The following RGPD1 variants were observed in gnomAD, a reference collection of about 807,000 sequenced individuals.
RGPD1 encodes RANBP2 like and GRIP domain containing 1.
RGPD1 carries 7 observed loss-of-function variants against 40.6 expected under a neutral mutation model. The observed-to-expected ratio is 0.17, with a 90% confidence interval of 0.10 to 0.32. The LOEUF is 0.32. Ranked by LOEUF, RGPD1 falls within the 10% of genes least tolerant of loss-of-function variation. The pLI is 1.00. For synonymous variants in RGPD1, 24 were observed against 167.0 expected (o/e 0.14, Z 6.60); for missense variants, 50 against 472.5 (o/e 0.11, Z 8.29).
intron 1 of RGPD1, among the ~76,000 whole-genome samples, chr2:86,931,929 TTA>T (rs113403396): frequency 6.7e-6 from 1 of 148,340 alleles, no homozygotes; most frequent in African/African-American, 2.4e-5. Context: ...AATATATTCA[TTA>T]TATATATATT....
intron 1 of RGPD1, among the ~76,000 whole-genome samples, chr2:86,931,883 C>A (rs1373158445): frequency 1.3e-5 from 2 of 148,264 alleles, no homozygotes; most frequent in African/African-American, 4.9e-5. Context: ...TCCATAACTT[C>A]ATTTGGTAGT....
At chr2:86,918,152 G>A (rs1263275780) in intron 1 of RGPD1, among the ~76,000 whole-genome samples, 1 of 150,796 alleles carries the variant, frequency 6.6e-6, no homozygotes, top group African/African-American at 2.4e-5. Flanking sequence ...GAGATTTAAA[G>A]TACTTTAGCC....
At chr2:86,942,939 G>A (rs959449044) in intron 1 of RGPD1, among the ~76,000 whole-genome samples, 5 of 151,974 alleles carry the variant, frequency 3.3e-5, no homozygotes, top group African/African-American at 9.7e-5. Flanking sequence ...GCCCTGGCCC[G>A]GGCTTTCTGG....
Position 86,913,944 on chromosome 2 carries a change from G to C in RGPD1, c.72+23G>C, listed in dbSNP as rs755540958. 6.4e-4 allele frequency: 876 copies of C among 1,370,544 alleles called. 37 individuals are homozygous for C. Among genetic ancestry groups the C allele is most frequent in the Non-Finnish European group, 7.9e-4 (815 of 1,025,700 alleles). 84.9% of individuals were successfully genotyped at this position (1,370,544 alleles called of 1,614,324 possible). On this transcript the variant is annotated intron_variant, in intron 1 of 22. Transcript: ENST00000398193. ...AAGGTGAGTGGATCTCGAAGAGACC[G>C]ACGGCCTCGACCTGGCGGGGCGGTG...
chr2:86,939,533 T>C (rs1346621566), upstream of RGPD1, among the ~76,000 whole-genome samples: 1 of 141,466 alleles, frequency 7.1e-6, no homozygotes, highest in African/African-American at 2.7e-5. Flanking sequence ...GAGCCGAGAT[T>C]GCGCCACTGG....
chr2:86,997,003 G>T (rs1467416056), intron 21 of RGPD1, among the ~76,000 whole-genome samples: 1 of 136,446 alleles, frequency 7.3e-6, no homozygotes, highest in Admixed American at 7.4e-5. Context: ...CGTTCCATCA[G>T]TTCCCCAGCT....
upstream of RGPD1, among the ~76,000 whole-genome samples, chr2:86,938,576 T>G (rs1419919693): frequency 6.6e-6 from 1 of 151,336 alleles, no homozygotes; most frequent in African/African-American, 2.4e-5. Context: ...GCTGACATAT[T>G]CAGACAAAGC....
intron 22 of RGPD1, among the ~76,000 whole-genome samples, chr2:86,998,497 C>T (rs1054381677): frequency 5.2e-5 from 1 of 19,118 alleles, no homozygotes; most frequent in East Asian, 1.6e-3. Flanking sequence ...GACGGCAGAG[C>T]GAGACTCCCA....
At chr2:86,941,669 C>CAAAA (rs1558798168), upstream of RGPD1, among the ~76,000 whole-genome samples, 1 of 151,326 alleles carries the variant, frequency 6.6e-6, no homozygotes, top group African/African-American at 2.4e-5. Context: ...TCTGACTTTT[C>CAAAA]CTCTAAGTGT....
intron 1 of RGPD1, among the ~76,000 whole-genome samples, chr2:86,947,925 C>T (rs1488280014): frequency 1.0e-5 from 1 of 99,684 alleles, no homozygotes; most frequent in Non-Finnish European, 2.1e-5. Context: ...AGCGAGACTC[C>T]GTTTGAATTA....
upstream of RGPD1, among the ~76,000 whole-genome samples, chr2:86,941,105 C>T (rs1679710700): frequency 6.6e-6 from 1 of 151,976 alleles, no homozygotes; most frequent in Admixed American, 6.6e-5. Context: ...GCCCAAATTT[C>T]CAGTTAAAAA....
intron 1 of RGPD1, among the ~76,000 whole-genome samples, chr2:86,931,875 C>T (rs1441417812): frequency 1.7e-4 from 25 of 148,270 alleles, no homozygotes; most frequent in Non-Finnish European, 3.3e-4. Flanking sequence ...TTGTAATTTC[C>T]ATAACTTCAT....
At chr2:86,928,338 G>A (rs1678654142) in intron 1 of RGPD1, among the ~76,000 whole-genome samples, 1 of 152,138 alleles carries the variant, frequency 6.6e-6, no homozygotes, top group African/African-American at 2.4e-5. Context: ...TGTGGCCAGA[G>A]AATAATAAGA....
chr2:86,913,798 T>C, upstream of RGPD1: 6 of 1,496,538 alleles, frequency 4.0e-6, no homozygotes, highest in East Asian at 1.3e-4. Context: ...TGGCGACTGC[T>C]GCGGGGCTGA....
rs1415105986 is a variant in RGPD1 at position 86,971,183 on chromosome 2, C to T, written c.1064-564C>T. On this transcript the variant is annotated intron_variant, in intron 8 of 22. Coordinates refer to ENST00000641458, the MANE Select transcript of RGPD1 (RefSeq NM_001382344.1). ...CCCAGTAGCTGGGACTACAGGCGCC[C>T]GCCACCAGGGCCGGCTAATTTTTTT... is the stretch of plus-strand genomic sequence containing the variant. 9.6e-5 allele frequency among the ~76,000 whole-genome samples: 5 copies of T among 52,166 alleles called. 1 individual carries two copies. The highest frequency in any genetic ancestry group is 3.1e-4 in the African/African-American group (2 of 6,382). The allele number at this position is 52,166 out of a possible 152,430, so 34.2% of individuals were successfully genotyped here.
At chr2:86,938,354 C>T (rs1679475655), upstream of RGPD1, among the ~76,000 whole-genome samples, 1 of 117,644 alleles carries the variant, frequency 8.5e-6, no homozygotes, top group African/African-American at 4.2e-5. Context: ...AACAGAAAAT[C>T]ACAAAAACTC....
intron 1 of RGPD1, among the ~76,000 whole-genome samples, chr2:86,935,963 T>C (rs1353917394): frequency 6.3e-5 from 9 of 143,624 alleles, no homozygotes; most frequent in Non-Finnish European, 1.4e-4. Context: ...AGATAATTAA[T>C]AATTATCAGA....
chr2:86,918,695 G>C (rs904550768), intron 1 of RGPD1, among the ~76,000 whole-genome samples: 1 of 145,788 alleles, frequency 6.9e-6, no homozygotes, highest in Non-Finnish European at 1.5e-5. Flanking sequence ...TCCTGACCTC[G>C]TGATCTGCCC....
chr2:86,927,064 A>G (rs1481561338), intron 1 of RGPD1, among the ~76,000 whole-genome samples: 1 of 152,194 alleles, frequency 6.6e-6, no homozygotes, highest in African/African-American at 2.4e-5. Flanking sequence ...TGTGAAATGA[A>G]GTAGTTGCAC....
Sources: gnomAD v4.1 joint callset for allele counts (sites outside exome capture counted in the v4.1 genomes callset) on GRCh38, gnomAD v4.1.1 for gene constraint, MANE v1.5 for transcripts, NCBI Gene and HGNC (gene_info 2026-07-23, HGNC 2026-07-21) for gene names.